GPHN: variants seen among roughly 807,000 people sequenced by gnomAD.
GPHN encodes the protein gephyrin.
A neutral mutation model predicts 95.5 loss-of-function variants in GPHN; 17 were observed. The ratio of observed to expected loss-of-function variants is 0.18; its 90% CI spans 0.12 to 0.27. GPHN has a LOEUF of 0.27. GPHN is among the 10% of genes least tolerant of loss of function. The pLI, the probability that GPHN is intolerant of heterozygous loss-of-function variation, is 1.00. For missense variants in GPHN, 660 were observed against 978.1 expected (o/e 0.67, Z 4.34); for synonymous variants, 320 against 322.5 (o/e 0.99, Z 0.08).
intron 16 of GPHN, among the ~76,000 whole-genome samples, chr14:67,114,816 A>G (rs1181851176): frequency 6.6e-6 from 1 of 152,204 alleles, no homozygotes; most frequent in Non-Finnish European, 1.5e-5. Context: ...CCTCTCAATT[A>G]TCCACAGAGT....
chr14:67,557,291 T>C, the GPHN span: 1 of 1,613,606 alleles, frequency 6.2e-7, no homozygotes, highest in African/African-American at 1.3e-5. Flanking sequence ...GAAGAGAAGG[T>C]AAAACTATCC....
At chr14:66,806,006 A>G (rs2060526091) in intron 3 of GPHN, among the ~76,000 whole-genome samples, 1 of 152,236 alleles carries the variant, frequency 6.6e-6, no homozygotes, top group Non-Finnish European at 1.5e-5. Context: ...GAGGTTCTGC[A>G]TGAGGTCCCC....
chr14:67,180,632 G>T (rs1341313973), intron 22 of GPHN, among the ~76,000 whole-genome samples, 172 bp from the exon 23 acceptor site: 1 of 152,128 alleles, frequency 6.6e-6, no homozygotes, highest in Non-Finnish European at 1.5e-5. Flanking sequence ...GAATGAGAAG[G>T]TGGTAGGATA....
In GPHN at chr14:66,545,311, C is replaced by T. The variant is rs1251944307; in HGVS notation, c.64+36720C>T. ...GCAGAGGCGCCCCCCACCTCCCAGA[C>T]GGGGCGGCTGGCCGGGCAGGGGGCT... On this transcript the variant is annotated intron_variant, in intron 1 of 22. Transcript: ENST00000478722. Among the ~76,000 whole-genome samples the T allele has an allele frequency of 1.2e-3, 176 of 140,930 alleles. 6 individuals carry two copies. The highest frequency in any genetic ancestry group is 4.5e-3 in the African/African-American group (159 of 35,406). The allele number at this position is 140,930 out of a possible 152,430, so 92.5% of individuals were successfully genotyped here.
At chr14:67,665,105 G>C in the GPHN span, among the ~76,000 whole-genome samples, 1 of 152,118 alleles carries the variant, frequency 6.6e-6, no homozygotes, top group Admixed American at 6.5e-5. Context: ...CACCCATCTC[G>C]GCCTCCCAAA....
At chr14:66,740,563 GA>G (rs2072714870) in intron 2 of GPHN, among the ~76,000 whole-genome samples, 1 of 149,352 alleles carries the variant, frequency 6.7e-6, no homozygotes, top group South Asian at 2.1e-4. Context: ...AAAAAAGCCA[GA>G]AAGCTGCTAA....
intron 10 of GPHN, among the ~76,000 whole-genome samples, chr14:67,055,555 T>G (rs1344145368): frequency 6.6e-6 from 1 of 152,228 alleles, no homozygotes; most frequent in African/African-American, 2.4e-5. Context: ...TTACTGGGTA[T>G]ATACCCAAAG....
the GPHN span, among the ~76,000 whole-genome samples, chr14:67,413,698 G>A: frequency 2.6e-5 from 4 of 152,216 alleles, no homozygotes; most frequent in South Asian, 2.1e-4. Context: ...GGGTCACTGC[G>A]TGCCAGCCCA....
the GPHN span, among the ~76,000 whole-genome samples, chr14:67,315,714 T>G: frequency 1.3e-5 from 2 of 152,140 alleles, no homozygotes; most frequent in East Asian, 1.9e-4. Flanking sequence ...CACCTGAGAT[T>G]AGGAGTTTAA....
At chr14:66,831,524 A>G (rs778584518) in intron 4 of GPHN, among the ~76,000 whole-genome samples, 1 of 152,302 alleles carries the variant, frequency 6.6e-6, no homozygotes, top group South Asian at 2.1e-4. Context: ...AATAGTTCCC[A>G]TGTCATATCT....
intron 10 of GPHN, among the ~76,000 whole-genome samples, chr14:67,046,070 A>G (rs28718312): frequency 0.34 from 51,239 of 151,734 alleles, 14,065 homozygotes; most frequent in African/African-American, 0.74. Flanking sequence ...CAGACATTCT[A>G]TCTCGATTTT....
At chr14:67,591,513 T>C in the GPHN span, among the ~76,000 whole-genome samples, 1 of 152,202 alleles carries the variant, frequency 6.6e-6, no homozygotes, top group East Asian at 1.9e-4. Flanking sequence ...TCTAAATTTA[T>C]TATTTTGTAA....
intron 8 of GPHN, among the ~76,000 whole-genome samples, chr14:66,946,160 ATT>A (rs922327617): frequency 6.6e-6 from 1 of 152,076 alleles, no homozygotes; most frequent in East Asian, 1.9e-4. Flanking sequence ...ATAATGAAAT[ATT>A]TTTTTTAAAA....
rs144367163 is a variant in GPHN, at chr14:67,163,069, G to C, written c.1911-2093G>C. Among the ~76,000 whole-genome samples, 589 of 152,248 alleles carry C rather than the reference G, an allele frequency of 3.9e-3. 5 individuals carry two copies. Among genetic ancestry groups the C allele is most frequent in the African/African-American group, 0.014 (566 of 41,538 alleles). Reference sequence around the variant, plus strand: ...ACCTGTAATCCCAGTACTTTGGGAGGCTGAGACAGGAGGATCGCTTGAGCT... The same window carrying C: ...ACCTGTAATCCCAGTACTTTGGGAGCCTGAGACAGGAGGATCGCTTGAGCT... On this transcript the variant is annotated intron_variant, in intron 19 of 22. Transcript: ENST00000478722.
the GPHN span, among the ~76,000 whole-genome samples, chr14:67,443,640 C>T: frequency 6.6e-6 from 1 of 151,844 alleles, no homozygotes; most frequent in African/African-American, 2.4e-5. Flanking sequence ...CAGTGGTGCA[C>T]ACCTCCAGTC....
At chr14:66,635,489 A>G (rs1043839672) in intron 1 of GPHN, among the ~76,000 whole-genome samples, 3 of 152,222 alleles carry the variant, frequency 2.0e-5, no homozygotes, top group African/African-American at 7.2e-5. Flanking sequence ...AGAAGCCAGT[A>G]TACAAAGGGA....
At chr14:66,527,475 GCGCTGAC>G (rs2058739806) in intron 1 of GPHN, among the ~76,000 whole-genome samples, 1 of 149,098 alleles carries the variant, frequency 6.7e-6, no homozygotes, top group Admixed American at 6.7e-5. Context: ...CTTCAGTTCT[GCGCTGAC>G]CTTAGTTATT....
the GPHN span, among the ~76,000 whole-genome samples, chr14:67,381,107 C>A: frequency 1.3e-5 from 2 of 152,152 alleles, no homozygotes; most frequent in Non-Finnish European, 2.9e-5. Context: ...CTAGCCTTTT[C>A]CACCCAGTGT....
At chr14:67,690,218 G>A in the GPHN span, 14 of 1,612,740 alleles carry the variant, frequency 8.7e-6, no homozygotes, top group Non-Finnish European at 1.2e-5. Context: ...CCACCTTTTA[G>A]TCTCCGGGCC....
Sources: allele counts gnomAD v4.1 joint callset (sites outside exome capture counted in the v4.1 genomes callset), GRCh38; gene constraint gnomAD v4.1.1; transcripts MANE v1.5; gene names NCBI Gene and HGNC (gene_info 2026-07-23, HGNC 2026-07-21).